The following TTC7B variants were observed in gnomAD, a reference collection of about 807,000 sequenced individuals.
TTC7B encodes the protein tetratricopeptide repeat domain 7B, also known as tetratricopeptide repeat protein 7B.
Under a neutral mutation model 106.8 loss-of-function variants are expected in TTC7B, and 28 were observed. The observed-to-expected ratio is 0.26, with a 90% CI of 0.19 to 0.36. The LOEUF (loss-of-function observed/expected upper bound fraction) is 0.36. Ranked by LOEUF, TTC7B falls within the 10% of genes least tolerant of loss-of-function variation. TTC7B has a pLI of 1.00. For synonymous variants in TTC7B, 405 were observed against 430.6 expected, an observed-to-expected ratio of 0.94 and a Z score of 0.74; for missense variants, 862 against 1,076.4, an observed-to-expected ratio of 0.80 and a Z score of 2.79.
chr14:90,799,647 T>C (rs2030121401), intron 1 of TTC7B, among the ~76,000 whole-genome samples: 1 of 151,946 alleles, frequency 6.6e-6, no homozygotes, highest in Non-Finnish European at 1.5e-5. Context: ...TGAACAGAGC[T>C]GGTGTGTTCC....
At chr14:90,758,015 G>A (rs946831274) in intron 3 of TTC7B, among the ~76,000 whole-genome samples, 1 of 152,056 alleles carries the variant, frequency 6.6e-6, no homozygotes, top group African/African-American at 2.4e-5. Flanking sequence ...ACAATAAAGG[G>A]GCACATCGGT....
chr14:90,610,501 G>C (rs1892825803), intron 17 of TTC7B, among the ~76,000 whole-genome samples: 1 of 152,214 alleles, frequency 6.6e-6, no homozygotes, highest in Non-Finnish European at 1.5e-5. Flanking sequence ...TAAGTTCCAA[G>C]AGCAAAGGGG....
At position 90,558,157 on chromosome 14, in the gene TTC7B, C is replaced by T. The variant is rs564517014; in HGVS notation, c.2311-16568G>A. Among the ~76,000 whole-genome samples, 40 of 152,400 alleles carry T rather than the reference C, an allele frequency of 2.6e-4. No homozygotes were observed. In the South Asian group the frequency reaches 4.3e-3, roughly 17 times the overall value. ...GGGTCCACTTGGGAAGGCCAGCCTC[C>T]GTGCCAGGGTGCCCCTCTGGCCTGG... On this transcript the variant is annotated intron_variant, in intron 19 of 19. Transcript: ENST00000328459.
chr14:90,567,727 CT>C, intron 19 of TTC7B: 1 of 152,458 alleles, frequency 6.6e-6, no homozygotes, highest in Non-Finnish European at 1.5e-5. Flanking sequence ...TGGTGAGTCC[CT>C]TCCCCTGTCT....
intron 1 of TTC7B, among the ~76,000 whole-genome samples, chr14:90,799,103 T>C (rs1177249796): frequency 6.6e-6 from 1 of 152,006 alleles, no homozygotes; most frequent in Non-Finnish European, 1.5e-5. Flanking sequence ...CCACTCTCCC[T>C]GGGCCTCCAG....
intron 15 of TTC7B, among the ~76,000 whole-genome samples, chr14:90,622,876 C>T (rs371852242): frequency 2.6e-5 from 4 of 152,156 alleles, no homozygotes; most frequent in African/African-American, 4.8e-5. Flanking sequence ...AATGCCTTTG[C>T]GGTCTGGCTC....
chr14:90,764,526 C>G (rs1311543235), intron 3 of TTC7B, among the ~76,000 whole-genome samples: 1 of 151,792 alleles, frequency 6.6e-6, no homozygotes, highest in Non-Finnish European at 1.5e-5. Context: ...GAAAGACAAC[C>G]CACAAAATTG....
At chr14:90,615,861 G>A (rs1236877002) in intron 16 of TTC7B, among the ~76,000 whole-genome samples, 3 of 152,126 alleles carry the variant, frequency 2.0e-5, no homozygotes, top group African/African-American at 7.2e-5. Context: ...GCCGGAGGGG[G>A]AATTCTGAGT....
intron 3 of TTC7B, among the ~76,000 whole-genome samples, chr14:90,760,357 G>T (rs1566874474): frequency 6.6e-6 from 1 of 152,158 alleles, no homozygotes; most frequent in Admixed American, 6.5e-5. Flanking sequence ...AGTCTGCAGA[G>T]GTGCATGCCA....
At position 90,541,221 on chromosome 14, in the gene TTC7B, T is replaced by G; in HGVS notation, c.*147A>C. ...ACATGGCGAGAGCGATGATTCGGGG[T>G]TGGTTTGGTTGGTTCACTGTGGCCC... On this transcript the variant is annotated 3_prime_UTR_variant, in exon 20 of 20. Transcript: ENST00000328459. 1 of 588,420 alleles carries G rather than the reference T, an allele frequency of 1.7e-6. No homozygotes were observed. The highest frequency in any genetic ancestry group is 2.8e-6 in the Non-Finnish European group (1 of 358,144). The allele number at this position is 588,420 out of a possible 1,614,324, so 36.4% of individuals were successfully genotyped here.
chr14:90,711,124 G>T (rs1742090), intron 5 of TTC7B, among the ~76,000 whole-genome samples: 50,515 of 152,020 alleles, frequency 0.33, 8,708 homozygotes, highest in Middle Eastern at 0.39. Context: ...ACAAGCAAAT[G>T]ATATCAGAGG....
intron 18 of TTC7B, 61 bp downstream of exon 18, chr14:90,593,425 G>T: frequency 2.0e-6 from 3 of 1,498,348 alleles, no homozygotes; most frequent in Admixed American, 4.1e-5. Flanking sequence ...GCAGCGGGTT[G>T]TGGGTGGGGC....
chr14:90,786,309 GAGA>G lies in TTC7B; in HGVS notation c.138_140del (p.Leu48del). The G allele has an allele frequency of 6.2e-7, 1 of 1,613,438 alleles. No individual in the cohort carries two copies. Among genetic ancestry groups the G allele is most frequent in the Non-Finnish European group, 8.5e-7 (1 of 1,179,748 alleles). ...ACTGCTCCAGCTTCGACTCCCCGAG[GAGA>G]AGCTCTGCCATGTCATCTACAAAAA... On this transcript the variant is annotated inframe_deletion, in exon 2 of 20. Coordinates refer to ENST00000328459, the MANE Select transcript of TTC7B (RefSeq NM_001010854.2).
In TTC7B at chr14:90,758,540, A is replaced by T. The variant is rs561595233; in HGVS notation, c.446-13618T>A. Among the ~76,000 whole-genome samples the T allele has an allele frequency of 1.1e-4, 16 of 152,268 alleles. No homozygotes were observed. The South Asian group carries it at 3.3e-3, about 32-fold the overall frequency. The stretch of plus-strand genomic sequence containing the variant: ...CCCGGAGCAGCTCCGCGCATGCGCA[A>T]CTGTGGCGCGCGACTGCGCTAGAAC... On this transcript the variant is annotated intron_variant, in intron 3 of 19. Transcript: ENST00000328459.
intron 3 of TTC7B, among the ~76,000 whole-genome samples, chr14:90,769,036 A>T (rs899879656): frequency 6.6e-6 from 1 of 152,184 alleles, no homozygotes; most frequent in African/African-American, 2.4e-5. Context: ...GACATCGGTA[A>T]CAGAAAGGGG....
At chr14:90,586,205 G>A (rs541747666) in intron 18 of TTC7B, among the ~76,000 whole-genome samples, 4 of 152,184 alleles carry the variant, frequency 2.6e-5, no homozygotes, top group Admixed American at 6.5e-5. Flanking sequence ...TGCCGTCTGC[G>A]CTGCTTTCCT....
Position 90,537,375 on chromosome 14 carries a change from G to GGA in TTC7B, c.*3992_*3993insTC, listed in dbSNP as rs1555372753. 1.5e-5 allele frequency: 2 copies of GGA among 135,280 alleles called. No individual in the cohort carries two copies. Among genetic ancestry groups the GGA allele is most frequent in the East Asian group, 4.5e-4 (2 of 4,412 alleles). 8.4% of individuals were successfully genotyped at this position (135,280 alleles called of 1,614,324 possible). The stretch of plus-strand genomic sequence containing the variant: ...CTATTTTTTTTTTTTTGTAGAGATG[G>GGA]GGGGGGGGTCTCACCATGTTGCCCA... On this transcript the variant is annotated 3_prime_UTR_variant, in exon 20 of 20. Transcript: ENST00000328459.
chr14:90,670,965 G>A (rs1056713776), intron 9 of TTC7B, among the ~76,000 whole-genome samples: 2 of 152,128 alleles, frequency 1.3e-5, no homozygotes, highest in Non-Finnish European at 2.9e-5. Flanking sequence ...CAGGATGAGG[G>A]TGCACACTGG....
intron 5 of TTC7B, chr14:90,698,120 A>T (rs1028164694): frequency 1.3e-5 from 2 of 152,258 alleles, no homozygotes; most frequent in Non-Finnish European, 2.9e-5. Context: ...ATGTAAAAGC[A>T]TGATTCCCAG....
Sources: gnomAD v4.1 joint callset for allele counts (sites outside exome capture counted in the v4.1 genomes callset) on GRCh38, gnomAD v4.1.1 for gene constraint, MANE v1.5 for transcripts, NCBI Gene and HGNC (gene_info 2026-07-23, HGNC 2026-07-21) for gene names.